CFAP61: variants seen among roughly 807,000 people sequenced by gnomAD.
CFAP61 encodes cilia and flagella associated protein 61, also known as cilia- and flagella-associated protein 61.
A neutral mutation model predicts 135.6 loss-of-function variants in CFAP61; 107 were observed. The observed-to-expected ratio is 0.79, with a 90% CI of 0.67 to 0.93. The LOEUF (loss-of-function observed/expected upper bound fraction) is 0.93. Ranked by LOEUF, CFAP61 falls within the 40% of genes least tolerant of loss-of-function variation. The pLI, the probability that CFAP61 is intolerant of heterozygous loss-of-function variation, is 0.00. For synonymous variants in CFAP61, 575 were observed against 578.5 expected (o/e 0.99, Z 0.09); for missense variants, 1,507 against 1,556.2 (o/e 0.97, Z 0.53).
chr20:20,060,981 T>A lies in CFAP61; in HGVS notation c.143+4185T>A, dbSNP rs543582851. Among the ~76,000 whole-genome samples the A allele has an allele frequency of 1.1e-4, 17 of 152,358 alleles. 1 individual carries two copies. Among genetic ancestry groups the A allele is most frequent in the African/African-American group, 4.1e-4 (17 of 41,588 alleles). ...ACTGCTGCCATTTGATAGCCTGAGA[T>A]ACCGTGCAAAAACTGCTTAGTTCAA... On this transcript the variant is annotated intron_variant, in intron 2 of 26. Transcript: ENST00000245957.
At chr20:20,169,085 A>G (rs147410519) in intron 12 of CFAP61, among the ~76,000 whole-genome samples, 1 of 152,294 alleles carries the variant, frequency 6.6e-6, no homozygotes, top group East Asian at 1.9e-4. Context: ...CATTGTTTAT[A>G]AGATTCATTT....
intron 9 of CFAP61, among the ~76,000 whole-genome samples, chr20:20,149,500 A>G (rs1202558148): frequency 6.6e-6 from 1 of 152,234 alleles, no homozygotes; most frequent in Non-Finnish European, 1.5e-5. Flanking sequence ...GACTGCTGCA[A>G]TTGCCACAAG....
At chr20:20,185,951 T>C (rs746658050) in intron 13 of CFAP61, among the ~76,000 whole-genome samples, 7 of 152,244 alleles carry the variant, frequency 4.6e-5, no homozygotes, top group Non-Finnish European at 7.3e-5. Context: ...ATTTTTTTGC[T>C]ATTAGTTGCC....
chr20:20,090,421 G>A (rs949109337), intron 6 of CFAP61, among the ~76,000 whole-genome samples: 1 of 152,106 alleles, frequency 6.6e-6, no homozygotes, highest in Non-Finnish European at 1.5e-5. Flanking sequence ...GCCAGGCGTG[G>A]CAGCTCACAT....
At chr20:20,077,450 G>A (rs972282316) in intron 6 of CFAP61, among the ~76,000 whole-genome samples, 8 of 152,156 alleles carry the variant, frequency 5.3e-5, no homozygotes, top group African/African-American at 1.9e-4. Flanking sequence ...TTCTAGCAGC[G>A]ACAGGTCACA....
intron 26 of CFAP61, among the ~76,000 whole-genome samples, chr20:20,351,150 A>G (rs983070197): frequency 6.6e-6 from 1 of 152,252 alleles, no homozygotes; most frequent in South Asian, 2.1e-4. Flanking sequence ...CAACTAGGAA[A>G]GGAAGAGGTG....
intron 26 of CFAP61, among the ~76,000 whole-genome samples, chr20:20,354,795 C>T (rs1044222129): frequency 3.4e-5 from 5 of 147,992 alleles, no homozygotes; most frequent in African/African-American, 1.0e-4. Context: ...GAGGTGGTCA[C>T]ACTGTGTCAG....
At chr20:20,130,626 G>A (rs551046907) in intron 8 of CFAP61, among the ~76,000 whole-genome samples, 130 of 151,666 alleles carry the variant, frequency 8.6e-4, no homozygotes, top group Admixed American at 3.3e-3. Flanking sequence ...TTTGGCACTA[G>A]ATGGCACTTT....
At chr20:20,206,753 C>CATAT (rs142288798) in intron 17 of CFAP61, among the ~76,000 whole-genome samples, 2 of 149,670 alleles carry the variant, frequency 1.3e-5, no homozygotes, top group Non-Finnish European at 3.0e-5. Flanking sequence ...ATATATATAC[C>CATAT]ATATATATAT....
chr20:20,075,452 A>T, intron 5 of CFAP61, 37 bp from the exon 6 acceptor site: 1 of 1,609,346 alleles, frequency 6.2e-7, no homozygotes, highest in Non-Finnish European at 8.5e-7. Context: ...TTATTTCTTG[A>T]TAAATAAGGA....
chr20:20,127,545 G>A (rs2050159628), intron 8 of CFAP61, among the ~76,000 whole-genome samples: 1 of 151,200 alleles, frequency 6.6e-6, no homozygotes, highest in Non-Finnish European at 1.5e-5. Context: ...ACGGGGGGTT[G>A]TCTGGATAGA....
chr20:20,289,412 AC>A (rs898913172), intron 23 of CFAP61, among the ~76,000 whole-genome samples: 6 of 152,114 alleles, frequency 3.9e-5, no homozygotes, highest in African/African-American at 1.4e-4. Context: ...AACCCTTCTG[AC>A]CCCTAAGGAG....
chr20:20,067,836 T>A (rs1005293834), intron 2 of CFAP61, among the ~76,000 whole-genome samples: 3 of 149,510 alleles, frequency 2.0e-5, no homozygotes, highest in Non-Finnish European at 4.4e-5. Flanking sequence ...TTTCCCTTTG[T>A]TCCCATGGTG....
At chr20:20,321,089 G>GC (rs969215398) in intron 25 of CFAP61, among the ~76,000 whole-genome samples, 1 of 151,840 alleles carries the variant, frequency 6.6e-6, no homozygotes, top group East Asian at 1.9e-4. Context: ...GATTAATATT[G>GC]CATTGTTAAA....
At chr20:20,324,540 G>C (rs935616542) in intron 25 of CFAP61, among the ~76,000 whole-genome samples, 2 of 152,054 alleles carry the variant, frequency 1.3e-5, no homozygotes, top group Admixed American at 6.6e-5. Context: ...TTATTTTCAA[G>C]TTTGTCCTGG....
rs796546487 is a variant in CFAP61, at chr20:20,257,624, AAAAC to A, written c.2329-5328_2329-5325del. ...GCAAGACTGTCTCAAAAAAAACAAA[AAAAC>A]AAAAAAAAAAAAGAAAAAGAAAGAA... On this transcript the variant is annotated intron_variant, in intron 20 of 26. Coordinates refer to ENST00000245957, the MANE Select transcript of CFAP61 (RefSeq NM_015585.4). Among the ~76,000 whole-genome samples the A allele has an allele frequency of 1.4e-3, 181 of 129,818 alleles. 2 individuals are homozygous for A. The highest frequency in any genetic ancestry group is 3.9e-3 in the African/African-American group (140 of 36,020). 85.2% of individuals were successfully genotyped at this position (129,818 alleles called of 152,430 possible).
intron 22 of CFAP61, among the ~76,000 whole-genome samples, chr20:20,278,323 T>G (rs540955244): frequency 3.3e-5 from 5 of 152,200 alleles, no homozygotes; most frequent in Non-Finnish European, 7.3e-5. Flanking sequence ...ACACAACTTC[T>G]GGCAATGTGT....
intron 25 of CFAP61, among the ~76,000 whole-genome samples, chr20:20,306,000 G>A (rs1311058521): frequency 3.9e-5 from 6 of 151,994 alleles, no homozygotes; most frequent in East Asian, 1.9e-4. Flanking sequence ...CCAAGGAGGA[G>A]GCGAAAGTCC....
chr20:20,177,390 G>A (rs981500048), intron 13 of CFAP61, among the ~76,000 whole-genome samples: 3 of 152,072 alleles, frequency 2.0e-5, no homozygotes, highest in African/African-American at 4.8e-5. Context: ...CTGGAGATAG[G>A]CAGGGCTTTA....
Sources: gnomAD v4.1 joint callset for allele counts (sites outside exome capture counted in the v4.1 genomes callset) on GRCh38, gnomAD v4.1.1 for gene constraint, MANE v1.5 for transcripts, NCBI Gene and HGNC (gene_info 2026-07-23, HGNC 2026-07-21) for gene names.